WDR88: variants seen among roughly 807,000 people sequenced by gnomAD.
WDR88 encodes the protein WD repeat-containing protein 88.
Under a neutral mutation model 46.8 loss-of-function variants are expected in WDR88, and 40 were observed. The ratio of observed to expected loss-of-function variants is 0.86; its 90% CI spans 0.66 to 1.11. The LOEUF is 1.11. Ranked by LOEUF, WDR88 falls within the 50% of genes most tolerant of loss-of-function variation. The pLI is 0.00. For missense variants in WDR88, 562 were observed against 602.4 expected, an observed-to-expected ratio of 0.93 and a Z score of 0.70; for synonymous variants, 235 against 240.7, an observed-to-expected ratio of 0.98 and a Z score of 0.22.
intron 4 of WDR88, among the ~76,000 whole-genome samples, chr19:33,148,256 TC>T (rs1254250613): frequency 2.6e-5 from 4 of 152,008 alleles, no homozygotes; most frequent in Non-Finnish European, 5.9e-5. Context: ...CTCAGGGGCC[TC>T]CTCGGGGTCT....
intron 2 of WDR88, among the ~76,000 whole-genome samples, chr19:33,138,687 CT>C (rs1218123445): frequency 1.1e-3 from 77 of 67,566 alleles, no homozygotes; most frequent in East Asian, 4.7e-3. Context: ...CTTTTCTTTT[CT>C]TTTTTTTTTT....
At chr19:33,157,679 GTATGTA>G (rs780881827) in intron 7 of WDR88, among the ~76,000 whole-genome samples, 11,463 of 93,656 alleles carry the variant, frequency 0.12, 1,021 homozygotes, top group East Asian at 0.45. Context: ...GTGTGTGTGT[GTATGTA>G]TGTATATATA....
chr19:33,132,208 C>G lies in WDR88; in HGVS notation c.39C>G (p.Asp13Glu). 6.2e-7 allele frequency: 1 copy of G among 1,608,206 alleles called. No homozygotes were observed. The highest frequency in any genetic ancestry group is 1.3e-5 in the African/African-American group (1 of 75,050). ...SPPRCSPTAH[D>E]RECKLPPPSA... ...CGCGGTGCTCCCCGACAGCCCATGA[C>G]AGGGAATGCAAGTTGCCGCCACCCT... Residue 13 changes from aspartate (D) to glutamate (E), a missense_variant, in exon 1 of 11, where the codon GAC (aspartate) becomes GAG (glutamate). Physicochemically the swap from Asp to Glu is conservative, Grantham distance 45. Transcript: ENST00000355868.
In WDR88 at chr19:33,132,409, G is replaced by T. The variant is rs1258712610; in HGVS notation, c.240G>T (p.Glu80Asp). The T allele has an allele frequency of 8.7e-6, 14 of 1,614,174 alleles. No homozygotes were observed. Among genetic ancestry groups the T allele is most frequent in the Non-Finnish European group, 1.2e-5 (14 of 1,180,020 alleles). ...TGCCTGAGAAGCACCAGGTGCCGGAGAAATTGATCTGGGGCGACCAGGACC... is the reference window on the plus strand; with the variant it reads ...TGCCTGAGAAGCACCAGGTGCCGGATAAATTGATCTGGGGCGACCAGGACC... ...HLLPEKHQVP[E>D]KLIWGDQDPL... The change falls in exon 1 of 11, where the codon GAG becomes GAT. Residue 80 changes from glutamate (E) to aspartate (D), a missense_variant. Coordinates refer to ENST00000355868, the MANE Select transcript of WDR88 (RefSeq NM_173479.4).
chr19:33,135,053 GGGT>G (rs986399117), intron 1 of WDR88, among the ~76,000 whole-genome samples: 1,133 of 95,698 alleles, frequency 0.012, 34 homozygotes, highest in African/African-American at 0.061. Context: ...TGGGGTGGGT[GGGT>G]GGGGGGGGTG....
At chr19:33,139,578 G>T (rs955124419) in intron 2 of WDR88, among the ~76,000 whole-genome samples, 1 of 152,154 alleles carries the variant, frequency 6.6e-6, no homozygotes, top group Non-Finnish European at 1.5e-5. Context: ...TTTCCTGCTA[G>T]GGGGACAGAT....
chr19:33,137,624 T>A, intron 1 of WDR88, 53 bp from the exon 2 acceptor site: 1 of 1,441,402 alleles, frequency 6.9e-7, no homozygotes, highest in Non-Finnish European at 9.7e-7. Flanking sequence ...CTGTTGTACA[T>A]TGATTTTGTG....
Position 33,174,714 on chromosome 19 carries a change from A to G in WDR88, c.1243-682A>G, listed in dbSNP as rs908554328. On this transcript the variant is annotated intron_variant, in intron 10 of 10. Coordinates refer to ENST00000355868, the MANE Select transcript of WDR88 (RefSeq NM_173479.4). ...CAGGGAGTCATCCTCTTAGTCCCAC[A>G]ATTTTACTCGGCACAGAACAATGGA... is the stretch of plus-strand genomic sequence containing the variant. 3.0e-6 allele frequency: 3 copies of G among 985,290 alleles called. No individual in the cohort carries two copies. The African/African-American group carries it at 5.2e-5, about 17-fold the overall frequency. The allele number at this position is 985,290 out of a possible 1,614,324, so 61.0% of individuals were successfully genotyped here. A position where few individuals can be genotyped will look rare whatever the true frequency, so the allele number is the denominator to read the frequency against.
chr19:33,140,343 G>T (rs1209449819), intron 2 of WDR88, among the ~76,000 whole-genome samples: 1 of 152,076 alleles, frequency 6.6e-6, no homozygotes, highest in Non-Finnish European at 1.5e-5. Flanking sequence ...TTATATTGTA[G>T]AGATGAGGGT....
At chr19:33,173,355 T>C (rs955530068) in intron 10 of WDR88, among the ~76,000 whole-genome samples, 2 of 152,178 alleles carry the variant, frequency 1.3e-5, no homozygotes, top group Non-Finnish European at 2.9e-5. Flanking sequence ...GTGCCTGCGC[T>C]TCTCTAGTGC....
chr19:33,171,532 T>C (rs1974038400), intron 9 of WDR88, among the ~76,000 whole-genome samples: 2 of 152,038 alleles, frequency 1.3e-5, no homozygotes, highest in African/African-American at 4.8e-5. Context: ...ATTGCTGCTA[T>C]AATAAGTTAC....
chr19:33,161,449 C>T (rs989621145), intron 8 of WDR88, among the ~76,000 whole-genome samples: 7 of 152,134 alleles, frequency 4.6e-5, no homozygotes, highest in Non-Finnish European at 7.3e-5. Context: ...CCTGGTTTCA[C>T]GATCTCACTG....
At chr19:33,133,748 C>T (rs1973188510) in intron 1 of WDR88, among the ~76,000 whole-genome samples, 1 of 152,224 alleles carries the variant, frequency 6.6e-6, no homozygotes, top group Admixed American at 6.5e-5. Flanking sequence ...CCCCCATCCC[C>T]CTGTCTTGCT....
intron 2 of WDR88, among the ~76,000 whole-genome samples, chr19:33,140,298 G>A (rs1973363521): frequency 6.6e-6 from 1 of 152,114 alleles, no homozygotes; most frequent in South Asian, 2.1e-4. Context: ...GGGACTGCAG[G>A]AGTGCACCAC....
chr19:33,145,170 A>G (rs1474821721), intron 3 of WDR88, among the ~76,000 whole-genome samples: 1 of 151,770 alleles, frequency 6.6e-6, no homozygotes, highest in Non-Finnish European at 1.5e-5. Context: ...TTTATTTTTT[A>G]TTTAGACAGG....
chr19:33,132,141 C>A lies in WDR88; in HGVS notation c.-29C>A. 1 of 1,552,714 alleles carries A rather than the reference C, an allele frequency of 6.4e-7. No individual in the cohort carries two copies. The highest frequency in any genetic ancestry group is 2.4e-5 in the East Asian group (1 of 42,512). On this transcript the variant is annotated 5_prime_UTR_variant, in exon 1 of 11. Transcript: ENST00000355868. ...CGCCACCGTTCCCATCCAGGCTTGT[C>A]GGCGGCCACCGGCGGACCGGGCTTC...
At chr19:33,165,921 T>G (rs1973945844) in intron 9 of WDR88, among the ~76,000 whole-genome samples, 1 of 129,954 alleles carries the variant, frequency 7.7e-6, no homozygotes, top group South Asian at 2.6e-4. Flanking sequence ...AAAAAAAAAA[T>G]TATGTTTCTT....
chr19:33,133,229 AG>A (rs1300689799), intron 1 of WDR88, among the ~76,000 whole-genome samples: 25 of 147,268 alleles, frequency 1.7e-4, no homozygotes, highest in Non-Finnish European at 3.1e-4. Context: ...AGAAAGAAAA[AG>A]AAAAAGAAAG....
At chr19:33,155,021 G>C (rs1973707438) in intron 6 of WDR88, among the ~76,000 whole-genome samples, 1 of 152,136 alleles carries the variant, frequency 6.6e-6, no homozygotes, top group Non-Finnish European at 1.5e-5. Context: ...GCTTACAAGA[G>C]GAGGTGAGAA....
Sources: gnomAD v4.1 joint callset for allele counts (sites outside exome capture counted in the v4.1 genomes callset) on GRCh38, gnomAD v4.1.1 for gene constraint, MANE v1.5 for transcripts, NCBI Gene and HGNC (gene_info 2026-07-23, HGNC 2026-07-21) for gene names.